Variants in SMARCA2 observed in about 807,000 individuals in gnomAD.
SMARCA2 encodes the protein SWI/SNF related BAF chromatin remodeling complex subunit ATPase 2.
In SMARCA2, 61 loss-of-function variants were observed where a neutral mutation model predicts 199.8. The observed-to-expected ratio is 0.31, with a 90% CI of 0.25 to 0.38. SMARCA2 has a LOEUF of 0.38. Ranked by LOEUF, SMARCA2 falls within the 10% of genes least tolerant of loss-of-function variation. The pLI is 1.00. For synonymous variants in SMARCA2, 935 were observed against 732.0 expected, an observed-to-expected ratio of 1.28 and a Z score of -4.48; for missense variants, 1,344 against 2,012.2, an observed-to-expected ratio of 0.67 and a Z score of 6.35.
At chr9:2,076,401 T>C in intron 13 of SMARCA2, 72 bp downstream of exon 13, 1 of 1,040,040 alleles carries the variant, frequency 9.6e-7, no homozygotes, top group East Asian at 2.4e-5. Context: ...TTTTAGGAAA[T>C]TTTGTTCAAG....
At position 2,061,085 on chromosome 9, in the gene SMARCA2, G is replaced by T. The variant is rs545700672; in HGVS notation, c.1692+99G>T. ...TTTAAGTACTACTTCTTACACTGGT[G>T]GAAGGTTTAGATGATTGAATTGTGA... On this transcript the variant is annotated intron_variant, in intron 9 of 33. Transcript: ENST00000349721. 4.2e-5 allele frequency: 48 copies of T among 1,155,304 alleles called. No homozygotes were observed. In the East Asian group the frequency reaches 1.1e-3, roughly 26 times the overall value. The allele number at this position is 1,155,304 out of a possible 1,614,324, so 71.6% of individuals were successfully genotyped here. A position where few individuals can be genotyped will look rare whatever the true frequency, so the allele number is the denominator to read the frequency against.
intron 27 of SMARCA2, among the ~76,000 whole-genome samples, chr9:2,142,718 A>T (rs186331817): frequency 6.6e-6 from 1 of 152,310 alleles, no homozygotes; most frequent in Non-Finnish European, 1.5e-5. Context: ...GAGTAGGGCA[A>T]ACTGAGAACA....
At chr9:2,107,967 G>A (rs1822835670) in intron 23 of SMARCA2, among the ~76,000 whole-genome samples, 1 of 152,098 alleles carries the variant, frequency 6.6e-6, no homozygotes, top group African/African-American at 2.4e-5. Flanking sequence ...TATTTATGGG[G>A]TAAGGAAGTG....
chr9:2,132,439 C>G lies in SMARCA2; in HGVS notation c.3981+8502C>G, dbSNP rs192152887. Among the ~76,000 whole-genome samples the G allele has an allele frequency of 2.0e-5, 3 of 152,232 alleles. No homozygotes were observed. The East Asian group carries it at 5.8e-4, about 29-fold the overall frequency. Reference sequence around the variant, plus strand: ...TTCCCCTAAAATATTTTATTTTACACTGGCAAGATTTTTTTGTGGGGGGGG... The same window carrying G: ...TTCCCCTAAAATATTTTATTTTACAGTGGCAAGATTTTTTTGTGGGGGGGG... On this transcript the variant is annotated intron_variant, in intron 27 of 33. Coordinates refer to ENST00000349721, the MANE Select transcript of SMARCA2 (RefSeq NM_003070.5).
At chr9:2,031,342 T>C (rs1397046370) in intron 2 of SMARCA2, among the ~76,000 whole-genome samples, 1 of 152,190 alleles carries the variant, frequency 6.6e-6, no homozygotes, top group Admixed American at 6.5e-5. Flanking sequence ...GAAATTGTTT[T>C]CTGTTTAGAT....
At chr9:2,063,294 A>G (rs1820683647) in intron 9 of SMARCA2, among the ~76,000 whole-genome samples, 2 of 152,162 alleles carry the variant, frequency 1.3e-5, no homozygotes, top group East Asian at 1.9e-4. Flanking sequence ...TTCCAGATGC[A>G]CTTTTATTCA....
At chr9:2,143,088 T>C (rs1456282383) in intron 27 of SMARCA2, among the ~76,000 whole-genome samples, 1 of 152,164 alleles carries the variant, frequency 6.6e-6, no homozygotes, top group Non-Finnish European at 1.5e-5. Context: ...ACCTGTAATG[T>C]ATTGTGCTAG....
chr9:2,125,871 A>G (rs1161202361), intron 27 of SMARCA2, among the ~76,000 whole-genome samples: 2 of 152,242 alleles, frequency 1.3e-5, no homozygotes. Flanking sequence ...TTGGGCAAGA[A>G]TGTAGCTGAA....
At chr9:2,191,192 G>C (rs1827854638) in intron 32 of SMARCA2, 74 bp from the exon 33 acceptor site, 10 of 1,416,210 alleles carry the variant, frequency 7.1e-6, no homozygotes, top group Non-Finnish European at 9.9e-6. Flanking sequence ...GTAGGTTGGT[G>C]ATAGTCTTAC....
chr9:2,054,371 G>A (rs770103149), intron 5 of SMARCA2, among the ~76,000 whole-genome samples: 1 of 152,190 alleles, frequency 6.6e-6, no homozygotes, highest in Non-Finnish European at 1.5e-5. Flanking sequence ...TAGAGGTTAT[G>A]GAGGAAGCCA....
At chr9:2,031,102 A>G (rs1402755706) in intron 2 of SMARCA2, among the ~76,000 whole-genome samples, 1 of 151,548 alleles carries the variant, frequency 6.6e-6, no homozygotes, top group Admixed American at 6.6e-5. Flanking sequence ...TTTTTTGGTT[A>G]CTTTTCTTTT....
intron 22 of SMARCA2, 50 bp from the exon 23 acceptor site, chr9:2,103,950 TAAG>T: frequency 1.3e-6 from 2 of 1,543,290 alleles, no homozygotes; most frequent in East Asian, 4.5e-5. Flanking sequence ...CTGGATTTTT[TAAG>T]AAGACAGAAG....
At chr9:2,070,077 T>C (rs1424443210) in intron 9 of SMARCA2, among the ~76,000 whole-genome samples, 1 of 152,194 alleles carries the variant, frequency 6.6e-6, no homozygotes, top group African/African-American at 2.4e-5. Flanking sequence ...TGTCAGGATA[T>C]ATCTTCCCAC....
Position 2,182,899 on chromosome 9 carries a change from T to C in SMARCA2, c.4461+657T>C, listed in dbSNP as rs560052121. On this transcript the variant is annotated intron_variant, in intron 31 of 33. Transcript: ENST00000349721. ...TCCACCTCCCTGGTTCAAGGGATTT[T>C]CCTGCCTTAGCCTCCTGAGTAGCTG... Among the ~76,000 whole-genome samples the C allele has an allele frequency of 8.5e-5, 13 of 152,212 alleles. No individual in the cohort carries two copies. The South Asian group carries it at 2.7e-3, about 32-fold the overall frequency.
intron 24 of SMARCA2, among the ~76,000 whole-genome samples, chr9:2,114,073 G>A (rs1411773696): frequency 6.6e-6 from 1 of 152,198 alleles, no homozygotes; most frequent in Non-Finnish European, 1.5e-5. Context: ...ATAGTGAAAA[G>A]CCTCATGACA....
intron 23 of SMARCA2, among the ~76,000 whole-genome samples, chr9:2,105,129 C>T (rs1043654539): frequency 2.0e-5 from 3 of 152,106 alleles, no homozygotes; most frequent in African/African-American, 4.8e-5. Context: ...TCAGACTTGC[C>T]GTATGTTCTC....
intron 9 of SMARCA2, among the ~76,000 whole-genome samples, chr9:2,061,198 A>G (rs1319970647): frequency 2.6e-5 from 4 of 152,254 alleles, no homozygotes; most frequent in Non-Finnish European, 5.9e-5. Context: ...GGGATATACT[A>G]AACTAAAACA....
At chr9:2,073,751 C>T (rs1821189433) in intron 12 of SMARCA2, 128 bp downstream of exon 12, 2 of 679,456 alleles carry the variant, frequency 2.9e-6, no homozygotes, top group Non-Finnish European at 5.1e-6. Flanking sequence ...CTTTGGGTGA[C>T]AGCTGGGGCT....
chr9:2,161,574 A>T lies in SMARCA2; in HGVS notation c.3982-112A>T. 9 of 733,994 alleles carry T rather than the reference A, an allele frequency of 1.2e-5. No individual in the cohort carries two copies. Among genetic ancestry groups the T allele is most frequent in the South Asian group, 4.0e-5 (2 of 50,614 alleles). The allele number at this position is 733,994 out of a possible 1,614,324, so 45.5% of individuals were successfully genotyped here. ...TGTTAACTTTTACTTTTTTTTGGTTAATTTCTTTCATTTTATTCTAATTGT... is the reference window on the plus strand; with the variant it reads ...TGTTAACTTTTACTTTTTTTTGGTTTATTTCTTTCATTTTATTCTAATTGT... On this transcript the variant is annotated intron_variant, in intron 27 of 33. Transcript: ENST00000349721. The surrounding 1 kb of genome is among the most constrained non-coding windows in gnomAD (Gnocchi z 4.7).
Sources: allele counts gnomAD v4.1 joint callset (sites outside exome capture counted in the v4.1 genomes callset), GRCh38; gene constraint gnomAD v4.1.1; non-coding constraint Gnocchi (gnomAD v3.1); transcripts MANE v1.5; gene names NCBI Gene and HGNC (gene_info 2026-07-23, HGNC 2026-07-21).